The following RBFOX1 variants were observed in gnomAD, a reference collection of about 807,000 sequenced individuals.
RBFOX1 encodes RNA binding fox-1 homolog 1.
In RBFOX1, 8 loss-of-function variants were observed where a neutral mutation model predicts 57.7. The observed-to-expected ratio is 0.14, with a 90% CI of 0.08 to 0.25. The LOEUF is 0.25. Ranked by LOEUF, RBFOX1 falls within the 10% of genes least tolerant of loss-of-function variation. The pLI, the probability that RBFOX1 is intolerant of heterozygous loss-of-function variation, is 1.00. For synonymous variants in RBFOX1, 326 were observed against 222.4 expected, an observed-to-expected ratio of 1.47 and a Z score of -4.15; for missense variants, 611 against 548.5, an observed-to-expected ratio of 1.11 and a Z score of -1.14.
In RBFOX1 at chr16:6,352,690, G is replaced by A. The variant is rs530513464; in HGVS notation, c.-64+35633G>A. ...ACATTGCTCAAAAAGGATATCCTGC[G>A]TGTTTGATACAAAGGGCATTTATCA... On this transcript the variant is annotated intron_variant, in intron 2 of 15. Coordinates refer to ENST00000550418, the MANE Select transcript of RBFOX1 (RefSeq NM_018723.4). Among the ~76,000 whole-genome samples, 6 of 152,238 alleles carry A rather than the reference G, an allele frequency of 3.9e-5. No individual in the cohort carries two copies. The East Asian group carries it at 7.7e-4, about 20-fold the overall frequency.
At chr16:7,272,206 A>G (rs2095335311) in intron 4 of RBFOX1, among the ~76,000 whole-genome samples, 1 of 151,986 alleles carries the variant, frequency 6.6e-6, no homozygotes, top group Admixed American at 6.6e-5. Flanking sequence ...TTTTTTGAGA[A>G]AGAGTCTCGC....
intron 5 of RBFOX1, among the ~76,000 whole-genome samples, chr16:7,526,409 C>T (rs914504563): frequency 1.3e-5 from 2 of 152,184 alleles, no homozygotes; most frequent in Non-Finnish European, 2.9e-5. Flanking sequence ...ACCCTCCATT[C>T]TGCTTACAAG....
intron 4 of RBFOX1, among the ~76,000 whole-genome samples, chr16:7,081,250 G>A (rs1051058883): frequency 6.6e-6 from 1 of 152,196 alleles, no homozygotes. Flanking sequence ...GGCTGGGCTG[G>A]TCTTGAACTG....
At chr16:7,064,279 T>C (rs7191895) in intron 4 of RBFOX1, among the ~76,000 whole-genome samples, 113,914 of 151,168 alleles carry the variant, frequency 0.75, 43,158 homozygotes, top group East Asian at 0.91. Context: ...AGTAATTGTC[T>C]TGCCTCAGCC....
At chr16:6,662,829 GCT>G (rs767852007) in intron 3 of RBFOX1, among the ~76,000 whole-genome samples, 27 of 152,094 alleles carry the variant, frequency 1.8e-4, no homozygotes, top group Non-Finnish European at 3.5e-4. Context: ...TGTTCTTTCT[GCT>G]CTTTCTGTTT....
At chr16:5,731,279 T>G (rs1597010726) in intron 3 of RBFOX1, among the ~76,000 whole-genome samples, 1 of 151,798 alleles carries the variant, frequency 6.6e-6, no homozygotes, top group Non-Finnish European at 1.5e-5. Flanking sequence ...TTGTCATCAT[T>G]GTCATCACTA....
chr16:5,757,469 A>G (rs779690390), intron 3 of RBFOX1, among the ~76,000 whole-genome samples: 2 of 151,958 alleles, frequency 1.3e-5, no homozygotes, highest in Non-Finnish European at 2.9e-5. Flanking sequence ...TGACCTTGTG[A>G]TCTGCCCTCC....
chr16:7,062,577 G>A (rs1358437941), intron 4 of RBFOX1, among the ~76,000 whole-genome samples: 1 of 152,118 alleles, frequency 6.6e-6, no homozygotes, highest in East Asian at 1.9e-4. Flanking sequence ...TTTCACGTGT[G>A]CAGTCTTGGA....
intron 2 of RBFOX1, among the ~76,000 whole-genome samples, chr16:6,564,150 G>A (rs1014575642): frequency 1.3e-4 from 19 of 151,980 alleles, no homozygotes; most frequent in African/African-American, 4.4e-4. Flanking sequence ...TGTTTTCCAC[G>A]AAAGTCTGTA....
At chr16:7,138,880 C>T (rs57154097) in intron 4 of RBFOX1, among the ~76,000 whole-genome samples, 1 of 151,958 alleles carries the variant, frequency 6.6e-6, no homozygotes, top group Non-Finnish European at 1.5e-5. Context: ...GTGATTTAGG[C>T]TCAGTGCAAG....
At chr16:7,185,141 C>T (rs974158103) in intron 4 of RBFOX1, among the ~76,000 whole-genome samples, 5 of 152,130 alleles carry the variant, frequency 3.3e-5, no homozygotes, top group African/African-American at 9.7e-5. Context: ...CATATGGGAG[C>T]ACTTTGCAAA....
chr16:6,499,091 G>T (rs75167536), intron 2 of RBFOX1, among the ~76,000 whole-genome samples: 4 of 152,184 alleles, frequency 2.6e-5, no homozygotes, highest in Admixed American at 2.0e-4. Context: ...ATTCAGCTCC[G>T]TGGAGCACTT....
At chr16:7,128,466 C>G (rs906375730) in intron 4 of RBFOX1, among the ~76,000 whole-genome samples, 2 of 152,260 alleles carry the variant, frequency 1.3e-5, no homozygotes, top group African/African-American at 4.8e-5. Flanking sequence ...GTGACATCAG[C>G]GGGGATAGTT....
At chr16:5,935,281 C>T (rs544223889) in intron 4 of RBFOX1, among the ~76,000 whole-genome samples, 1 of 152,270 alleles carries the variant, frequency 6.6e-6, no homozygotes, top group East Asian at 1.9e-4. Flanking sequence ...TACTCATGTT[C>T]CCAAGAGTAG....
chr16:7,065,455 T>C (rs538150084), intron 4 of RBFOX1, among the ~76,000 whole-genome samples: 3 of 152,306 alleles, frequency 2.0e-5, no homozygotes, highest in African/African-American at 7.2e-5. Flanking sequence ...GCATGGGTTT[T>C]TCTGAACCTG....
At chr16:5,685,488 T>A (rs530705467) in intron 3 of RBFOX1, among the ~76,000 whole-genome samples, 48 of 152,344 alleles carry the variant, frequency 3.2e-4, no homozygotes, top group Admixed American at 6.5e-4. Context: ...AAGGTGTTCT[T>A]CTCTGATGGT....
chr16:5,833,800 C>T (rs571064903), intron 3 of RBFOX1, among the ~76,000 whole-genome samples: 11 of 152,186 alleles, frequency 7.2e-5, no homozygotes, highest in Non-Finnish European at 1.5e-4. Flanking sequence ...TTTCTTTAGC[C>T]CAGGCCCTGT....
intron 2 of RBFOX1, among the ~76,000 whole-genome samples, chr16:6,381,156 C>A (rs773127755): frequency 3.9e-5 from 6 of 152,056 alleles, no homozygotes; most frequent in Non-Finnish European, 8.8e-5. Context: ...GGAATAGATC[C>A]TAGAGACATT....
At chr16:5,816,483 G>A (rs1442500006) in intron 3 of RBFOX1, among the ~76,000 whole-genome samples, 3 of 152,118 alleles carry the variant, frequency 2.0e-5, no homozygotes, top group African/African-American at 7.2e-5. Flanking sequence ...ACTAGACCTT[G>A]CATCTCCTAT....
Sources: allele counts gnomAD v4.1 joint callset (sites outside exome capture counted in the v4.1 genomes callset), GRCh38; gene constraint gnomAD v4.1.1; transcripts MANE v1.5; gene names NCBI Gene and HGNC (gene_info 2026-07-23, HGNC 2026-07-21).